GFAP: variants seen among roughly 807,000 people sequenced by gnomAD.
GFAP encodes intermediate filament protein.
In GFAP, 38 loss-of-function variants were observed where a neutral mutation model predicts 49.3. That is an observed-to-expected ratio of 0.77 (90% CI 0.60 to 1.01). The LOEUF (loss-of-function observed/expected upper bound fraction) is 1.01, where lower values mean the gene tolerates loss of function less well. Among genes scored for constraint, GFAP ranks in the 50% least tolerant of loss-of-function variants. GFAP has a pLI of 0.00. For synonymous variants in GFAP, 222 were observed against 236.4 expected (o/e 0.94, Z 0.56); for missense variants, 463 against 579.1 (o/e 0.80, Z 2.06).
Position 44,911,406 on chromosome 17 carries a change from C to T in GFAP, c.957G>A (p.Arg319=), listed in dbSNP as rs61733890. The T allele has an allele frequency of 8.1e-4, 1,310 of 1,613,236 alleles. 11 individuals are homozygous for T. The African/African-American group carries it at 0.016, about 20-fold the overall frequency. ...GCGCCTCCTGATAACTGGCCGCCTC[C>T]CGCACGTGCCGCTCCTCCTGCTCGC... The part of the protein sequence containing the change: ...QMREQEERHV[R]EAASYQEALA... The change falls in exon 6 of 9, where the codon CGG becomes CGA. Residue 319 remains arginine, a synonymous_variant. Coordinates refer to ENST00000588735, the MANE Select transcript of GFAP (RefSeq NM_002055.5).
In GFAP at chr17:44,905,471, T is replaced by TG. The variant is rs1043867619; in HGVS notation, c.*1875dup. 4 of 203,002 alleles carry TG rather than the reference T, an allele frequency of 2.0e-5. No homozygotes were observed. The highest frequency in any genetic ancestry group is 7.1e-5 in the African/African-American group (3 of 42,160). The allele number at this position is 203,002 out of a possible 1,614,324, so 12.6% of individuals were successfully genotyped here. ...GCAGGGAGAGGAAGGAAGAAAAGAGTGGAGGGAGCTGGTGTATGTCCTCTT... is the reference window on the plus strand; with the variant it reads ...GCAGGGAGAGGAAGGAAGAAAAGAGTGGGAGGGAGCTGGTGTATGTCCTCTT... On this transcript the variant is annotated 3_prime_UTR_variant, in exon 9 of 9. Coordinates refer to ENST00000588735, the MANE Select transcript of GFAP (RefSeq NM_002055.5).
In GFAP at chr17:44,905,852, G is replaced by A. The variant is rs1466238873; in HGVS notation, c.*1495C>T. On this transcript the variant is annotated 3_prime_UTR_variant, in exon 9 of 9. Transcript: ENST00000588735. ...CTCTGGGCACAGATCCCACCAGTCTGCTCACCAGTCTGCTCAGTCAAAGCA... is the reference window on the plus strand; with the variant it reads ...CTCTGGGCACAGATCCCACCAGTCTACTCACCAGTCTGCTCAGTCAAAGCA... 1 of 152,534 alleles carries A rather than the reference G, an allele frequency of 6.6e-6. No homozygotes were observed. The highest frequency in any genetic ancestry group is 1.5e-5 in the Non-Finnish European group (1 of 68,236). 9.4% of individuals were successfully genotyped at this position (152,534 alleles called of 1,614,324 possible). A position where few individuals can be genotyped will look rare whatever the true frequency, so the allele number is the denominator to read the frequency against.
At chr17:44,911,635 G>T in intron 5 of GFAP, 37 bp downstream of exon 5, 1 of 1,606,272 alleles carries the variant, frequency 6.2e-7, no homozygotes, top group Non-Finnish European at 8.5e-7. Flanking sequence ...GGCCGTCCCT[G>T]CTCCGCCCGT....
At position 44,915,001 on chromosome 17, in the gene GFAP, C is replaced by G. The variant is rs1048715991; in HGVS notation, c.461+25G>C. Reference sequence around the variant, plus strand: ...GATTCAGCCCCTTCTGCTCACAAGGCCCCCCTTCCCCATCCCCTCCTCACT... The same window carrying G: ...GATTCAGCCCCTTCTGCTCACAAGGGCCCCCTTCCCCATCCCCTCCTCACT... On this transcript the variant is annotated intron_variant, in intron 1 of 8. Transcript: ENST00000588735. The surrounding 1 kb of genome is among the most constrained non-coding windows in gnomAD (Gnocchi z 4.1). The G allele has an allele frequency of 4.4e-6, 7 of 1,585,908 alleles. No homozygotes were observed. The highest frequency in any genetic ancestry group is 4.0e-5 in the African/African-American group (3 of 74,526).
chr17:44,909,615 C>G (rs1443461), intron 7 of GFAP: 1 of 106,150 alleles, frequency 9.4e-6, no homozygotes, highest in African/African-American at 3.8e-5. Flanking sequence ...AATTTAGCTC[C>G]CCCCTCCCCC....
At position 44,904,240 on chromosome 17, in the gene GFAP, T is replaced by C. The variant is rs2051613134; in HGVS notation, c.*3107A>G. ...AGGGGGACTACTTTTACGCCTACGATGTGGACATCCAGAACAGTGAGGGAA... is the reference window on the plus strand; with the variant it reads ...AGGGGGACTACTTTTACGCCTACGACGTGGACATCCAGAACAGTGAGGGAA... On this transcript the variant is annotated 3_prime_UTR_variant, in exon 9 of 9. Transcript: ENST00000588735. The C allele has an allele frequency of 1.3e-6, 2 of 1,550,442 alleles. No individual in the cohort carries two copies. The highest frequency in any genetic ancestry group is 1.4e-5 in the African/African-American group (1 of 73,044).
rs2051881561 is a variant in GFAP, at chr17:44,915,205, G to T, written c.282C>A (p.Asn94Lys). The change falls in exon 1 of 9, where the codon AAC becomes AAA. Residue 94 changes from asparagine (N) to lysine (K), a missense_variant. Transcript: ENST00000588735. This position sits in a 1 kb window ranked among gnomAD's most constrained non-coding sequence, Gnocchi z 4.1. ...IEKVRFLEQQ[N>K]KALAAELNQL... The stretch of plus-strand genomic sequence containing the variant: ...GGTTCAGCTCAGCAGCCAGCGCCTT[G>T]TTTTGCTGTTCCAGGAAGCGAACCT... The T allele has an allele frequency of 2.5e-6, 4 of 1,614,244 alleles. No individual in the cohort carries two copies. Among genetic ancestry groups the T allele is most frequent in the Non-Finnish European group, 3.4e-6 (4 of 1,180,054 alleles).
intron 7 of GFAP, 148 bp from the exon 8 acceptor site, chr17:44,908,297 C>T (rs1351428796): frequency 1.5e-5 from 8 of 542,842 alleles, no homozygotes; most frequent in East Asian, 3.0e-5. Context: ...CTCTTCCAAA[C>T]GGGCTGGAGA....
Position 44,907,230 on chromosome 17 carries a change from G to T in GFAP, c.*117C>A. ...TAGGGACAGAGGAGGGAGGGGAGCA[G>T]CTGGGGTGGTGGGGAGCTCAGGTCT... is the stretch of plus-strand genomic sequence containing the variant. On this transcript the variant is annotated 3_prime_UTR_variant, in exon 9 of 9. Transcript: ENST00000588735. The T allele has an allele frequency of 1.1e-6, 1 of 936,524 alleles. No individual in the cohort carries two copies. Among genetic ancestry groups the T allele is most frequent in the Non-Finnish European group, 1.7e-6 (1 of 572,944 alleles). 58.0% of individuals were successfully genotyped at this position (936,524 alleles called of 1,614,324 possible).
intron 1 of GFAP, chr17:44,914,414 C>A: frequency 2.8e-6 from 1 of 362,318 alleles, no homozygotes; most frequent in Non-Finnish European, 5.1e-6. Flanking sequence ...TGAAGGCACA[C>A]ATGCATGTCC....
At position 44,915,289 on chromosome 17, in the gene GFAP, C is replaced by A; in HGVS notation, c.198G>T (p.Arg66=). 6.2e-7 allele frequency: 1 copy of A among 1,614,136 alleles called. No homozygotes were observed. The highest frequency in any genetic ancestry group is 1.1e-5 in the South Asian group (1 of 91,090). Reference sequence around the variant, plus strand: ...CCATCATCTCTGCCCGCTCACTGGCCCGGGTCTCCTTGAAGCCAGCATTGA... The same window carrying A: ...CCATCATCTCTGCCCGCTCACTGGCACGGGTCTCCTTGAAGCCAGCATTGA... ...GALNAGFKET[R]ASERAEMMEL... is the part of the protein sequence containing the mutation. The change falls in exon 1 of 9, where the codon CGG becomes CGT. Residue 66 remains arginine, a synonymous_variant. Transcript: ENST00000588735. This position sits in a 1 kb window ranked among gnomAD's most constrained non-coding sequence, Gnocchi z 4.1.
rs773433027 is a variant in GFAP, at chr17:44,913,763, C to G, written c.583G>C (p.Glu195Gln). Reference protein sequence around the residue: ...DLERKIESLEEEIRFLRKIHE... With the variant: ...DLERKIESLEQEIRFLRKIHE... ...ATCTTCCTCAAGAACCGGATCTCCT[C>G]CTCCAGCGACTCAATCTTCCTCTCC... Residue 195 changes from glutamate to glutamine, a missense_variant, in exon 3 of 9, where the codon GAG becomes CAG. Glu to Gln is a conservative substitution (Grantham distance 29). Around this residue, in one of 3 missense-constraint regions of GFAP, gnomAD observed 362 missense variants for 445.5 expected, o/e 0.81. Transcript: ENST00000588735. The G allele has an allele frequency of 6.2e-7, 1 of 1,614,050 alleles. No homozygotes were observed. Among genetic ancestry groups the G allele is most frequent in the African/African-American group, 1.3e-5 (1 of 74,922 alleles).
In GFAP at chr17:44,910,645, C is replaced by A; in HGVS notation, c.1141G>T (p.Val381Leu). The A allele has an allele frequency of 6.3e-7, 1 of 1,585,894 alleles. No individual in the cohort carries two copies. The highest frequency in any genetic ancestry group is 8.6e-7 in the Non-Finnish European group (1 of 1,166,112). Reference sequence around the variant, plus strand: ...ATCTGCAGGTTGGAGAAGGTCTGCACGGGAATGGTGATCCTGAAAGAAAGC... The same window carrying A: ...ATCTGCAGGTTGGAGAAGGTCTGCAAGGGAATGGTGATCCTGAAAGAAAGC... ...EGEENRITIP[V>L]QTFSNLQIRE... The change falls in exon 7 of 9, where the codon GTG becomes TTG. Residue 381 changes from valine to leucine, a missense_variant. Transcript: ENST00000588735.
chr17:44,907,968 A>G, intron 8 of GFAP, 96 bp downstream of exon 8: 1 of 855,358 alleles, frequency 1.2e-6, no homozygotes, highest in Non-Finnish European at 2.1e-6. Flanking sequence ...GTTGCTGGGA[A>G]CCTTCTATGT....
chr17:44,910,857 G>A, intron 6 of GFAP, 199 bp from the exon 7 acceptor site: 1 of 696,224 alleles, frequency 1.4e-6, no homozygotes, highest in Non-Finnish European at 2.4e-6. Context: ...GTGTTATCTG[G>A]GAGGGGCGCA....
chr17:44,914,318 C>G (rs1308250758), intron 1 of GFAP: 2 of 569,402 alleles, frequency 3.5e-6, no homozygotes, highest in African/African-American at 1.9e-5. Context: ...GGTTGGTGCA[C>G]CTGCTTCTGC....
Position 44,913,440 on chromosome 17 carries a change from G to A in GFAP, c.619-10C>T, listed in dbSNP as rs763155564. On this transcript the variant is annotated splice_polypyrimidine_tract_variant and intron_variant, in intron 3 of 8. Transcript: ENST00000588735. ...GGAGTTCCCGAACCTCCTGACCAGG[G>A]TGAGAGAAGCGGTACCAGGGCTCAG... The A allele has an allele frequency of 5.0e-6, 8 of 1,613,692 alleles. No homozygotes were observed. In the Admixed American group the frequency reaches 8.3e-5, roughly 17 times the overall value.
intron 7 of GFAP, chr17:44,908,891 G>C (rs1426346621): frequency 2.0e-5 from 3 of 149,688 alleles, no homozygotes; most frequent in Non-Finnish European, 4.4e-5. Context: ...AAGCAAGCAG[G>C]AAAGAGAAAG....
In GFAP at chr17:44,907,222, G is replaced by C; in HGVS notation, c.*125C>G. On this transcript the variant is annotated 3_prime_UTR_variant, in exon 9 of 9. Transcript: ENST00000588735. ...AGCTGACCTAGGGACAGAGGAGGGA[G>C]GGGAGCAGCTGGGGTGGTGGGGAGC... 2 of 877,240 alleles carry C rather than the reference G, an allele frequency of 2.3e-6. No individual in the cohort carries two copies. The highest frequency in any genetic ancestry group is 2.8e-5 in the South Asian group (2 of 72,654). 54.3% of individuals were successfully genotyped at this position (877,240 alleles called of 1,614,324 possible).
Sources: allele counts gnomAD v4.1 joint callset, GRCh38; gene constraint gnomAD v4.1.1; regional missense constraint gnomAD v4.1.1; non-coding constraint Gnocchi (gnomAD v3.1); transcripts MANE v1.5; gene names NCBI Gene and HGNC (gene_info 2026-07-23, HGNC 2026-07-21).